The following SESTD1 variants were observed in gnomAD, a reference collection of about 807,000 sequenced individuals.
SESTD1 encodes the protein SEC14 and spectrin domain containing 1, also known as SEC14 domain and spectrin repeat-containing protein 1.
Under a neutral mutation model 101.7 loss-of-function variants are expected in SESTD1, and 43 were observed. The ratio of observed to expected loss-of-function variants is 0.42; its 90% CI spans 0.33 to 0.55. The LOEUF (loss-of-function observed/expected upper bound fraction) is 0.55. Among genes scored for constraint, SESTD1 ranks in the 20% least tolerant of loss-of-function variants. The pLI, the probability that SESTD1 is intolerant of heterozygous loss-of-function variation, is 0.07. For synonymous variants in SESTD1, 283 were observed against 286.8 expected, an observed-to-expected ratio of 0.99 and a Z score of 0.13; for missense variants, 647 against 815.1, an observed-to-expected ratio of 0.79 and a Z score of 2.51.
At position 179,217,457 on chromosome 2, in the gene SESTD1, G is replaced by A. The variant is rs113890150; in HGVS notation, c.-25-25591C>T. On this transcript the variant is annotated intron_variant, in intron 1 of 17. Coordinates refer to ENST00000428443, the MANE Select transcript of SESTD1 (RefSeq NM_178123.5). ...ACCATCTCACGCCAGTTAGAATGGC[G>A]ATTATTAAAAATCAGGAAAAAACAT... Among the ~76,000 whole-genome samples the A allele has an allele frequency of 1.7e-3, 261 of 152,250 alleles. 1 individual carries two copies. The highest frequency in any genetic ancestry group is 6.0e-3 in the African/African-American group (248 of 41,552).
At chr2:179,184,771 G>A (rs1004223793) in intron 2 of SESTD1, among the ~76,000 whole-genome samples, 2 of 152,056 alleles carry the variant, frequency 1.3e-5, no homozygotes, top group East Asian at 3.9e-4. Context: ...ATTAAGCCAA[G>A]CCCCAAAAAA....
intron 1 of SESTD1, among the ~76,000 whole-genome samples, chr2:179,245,824 C>T (rs2047221602): frequency 6.6e-6 from 1 of 152,130 alleles, no homozygotes; most frequent in Non-Finnish European, 1.5e-5. Context: ...ATATATTACT[C>T]TAAATATATT....
intron 1 of SESTD1, among the ~76,000 whole-genome samples, chr2:179,229,706 A>C (rs1387445567): frequency 6.8e-6 from 1 of 146,594 alleles, no homozygotes; most frequent in Non-Finnish European, 1.5e-5. Context: ...CAGATTCTGT[A>C]AGGTTCTTAT....
intron 13 of SESTD1, among the ~76,000 whole-genome samples, chr2:179,118,728 T>TTCAG (rs1341623378): frequency 6.6e-6 from 1 of 152,234 alleles, no homozygotes; most frequent in Non-Finnish European, 1.5e-5. Context: ...ATATACTGTA[T>TTCAG]TCAGGTATTA....
intron 4 of SESTD1, among the ~76,000 whole-genome samples, chr2:179,175,985 T>C (rs58232562): frequency 0.011 from 1,638 of 152,300 alleles, 27 homozygotes; most frequent in African/African-American, 0.038. Flanking sequence ...CCTGATGCTT[T>C]ATGTAGGAAA....
chr2:179,143,476 C>T, intron 9 of SESTD1, 116 bp downstream of exon 9: 2 of 740,962 alleles, frequency 2.7e-6, no homozygotes, highest in East Asian at 2.9e-5. Context: ...TTTTAGAATC[C>T]AGTTTGATGT....
chr2:179,193,855 T>C (rs1317052360), intron 1 of SESTD1, among the ~76,000 whole-genome samples: 1 of 152,214 alleles, frequency 6.6e-6, no homozygotes, highest in African/African-American at 2.4e-5. Context: ...CCTTATAAAC[T>C]TTCAGATCAG....
intron 1 of SESTD1, among the ~76,000 whole-genome samples, chr2:179,216,635 A>C (rs190245976): frequency 0.012 from 1,623 of 135,442 alleles, 326 homozygotes; most frequent in Non-Finnish European, 0.017. Flanking sequence ...AAACTACTTT[A>C]AAGTTCATAT....
chr2:179,116,763 C>A lies in SESTD1; in HGVS notation c.1552G>T (p.Asp518Tyr). The change falls in exon 15 of 18, where the codon GAT becomes TAT. Residue 518 changes from aspartate to tyrosine, a missense_variant. By Grantham distance (160) the Asp-to-Tyr change is radical (BLOSUM62 -3). Transcript: ENST00000428443. Reference sequence around the variant, plus strand: ...CTGATGTGAGTCTTAAGCAGAGCATCCAGAAGTTCACTTAGCCATTCTACT... The same window carrying A: ...CTGATGTGAGTCTTAAGCAGAGCATACAGAAGTTCACTTAGCCATTCTACT... ...QAVEWLSELL[D>Y]ALLKTHIRLG... is the part of the protein sequence containing the mutation. 1 of 1,613,944 alleles carries A rather than the reference C, an allele frequency of 6.2e-7. No homozygotes were observed.
intron 1 of SESTD1, among the ~76,000 whole-genome samples, chr2:179,229,201 C>A (rs1047193463): frequency 6.6e-6 from 1 of 152,086 alleles, no homozygotes; most frequent in Admixed American, 6.5e-5. Context: ...ACAGTGTTTA[C>A]GGAAAAGACG....
At chr2:179,185,393 T>C (rs1482099185) in intron 2 of SESTD1, among the ~76,000 whole-genome samples, 1 of 146,134 alleles carries the variant, frequency 6.8e-6, no homozygotes, top group African/African-American at 2.5e-5. Context: ...ACATATTGTA[T>C]ATATAGTATA....
chr2:179,240,323 A>C (rs768483250), intron 1 of SESTD1, among the ~76,000 whole-genome samples: 25 of 152,168 alleles, frequency 1.6e-4, no homozygotes, highest in Non-Finnish European at 2.8e-4. Flanking sequence ...TTGGTGTTCT[A>C]CTTCCTGGAA....
At chr2:179,127,733 ATGATAATATC>A in intron 10 of SESTD1, among the ~76,000 whole-genome samples, 1 of 152,218 alleles carries the variant, frequency 6.6e-6, no homozygotes. Context: ...TCCAATGGTG[ATGATAATATC>A]TGTCTTACCT....
intron 1 of SESTD1, among the ~76,000 whole-genome samples, chr2:179,210,396 C>T (rs545726517): frequency 7.5e-6 from 1 of 133,704 alleles, no homozygotes; most frequent in South Asian, 2.9e-4. Flanking sequence ...AACTACAGAC[C>T]AATATCCCTG....
Position 179,106,147 on chromosome 2 carries a change from A to G in SESTD1, c.*3752T>C, listed in dbSNP as rs2044377695. 6.6e-6 allele frequency: 1 copy of G among 152,160 alleles called. No individual in the cohort carries two copies. The highest frequency in any genetic ancestry group is 2.4e-5 in the African/African-American group (1 of 41,422). 9.4% of individuals were successfully genotyped at this position (152,160 alleles called of 1,614,324 possible). A position where few individuals can be genotyped will look rare whatever the true frequency, so the allele number is the denominator to read the frequency against. On this transcript the variant is annotated 3_prime_UTR_variant, in exon 18 of 18. Transcript: ENST00000428443. ...ATGTTCCAGCCATGTTTTTAATGCT[A>G]GAGAATTTTTCCTTTGGGGGCTTAA...
intron 5 of SESTD1, among the ~76,000 whole-genome samples, chr2:179,171,037 G>A (rs1459647961): frequency 6.6e-6 from 1 of 152,172 alleles, no homozygotes; most frequent in Non-Finnish European, 1.5e-5. Flanking sequence ...GGGCTTGTGA[G>A]TACAGAAACA....
chr2:179,135,936 T>G (rs1259429584), intron 9 of SESTD1, among the ~76,000 whole-genome samples: 1 of 152,242 alleles, frequency 6.6e-6, no homozygotes, highest in African/African-American at 2.4e-5. Flanking sequence ...CAATGGTTTT[T>G]TCCTCAACAC....
chr2:179,259,584 G>A (rs553697116), intron 1 of SESTD1, among the ~76,000 whole-genome samples: 4 of 152,120 alleles, frequency 2.6e-5, no homozygotes, highest in East Asian at 1.9e-4. Context: ...GCACTTAGGC[G>A]ACTCATCCAC....
In SESTD1 at chr2:179,103,439, T is replaced by C. The variant is rs929471182; in HGVS notation, c.*6460A>G. The C allele has an allele frequency of 6.6e-6, 1 of 152,112 alleles. No individual in the cohort carries two copies. Among genetic ancestry groups the C allele is most frequent in the Non-Finnish European group, 1.5e-5 (1 of 68,012 alleles). The allele number at this position is 152,112 out of a possible 1,614,324, so 9.4% of individuals were successfully genotyped here. A position where few individuals can be genotyped will look rare whatever the true frequency, so the allele number is the denominator to read the frequency against. On this transcript the variant is annotated 3_prime_UTR_variant, in exon 18 of 18. Coordinates refer to ENST00000428443, the MANE Select transcript of SESTD1 (RefSeq NM_178123.5). ...ACCCAGCAATTCTAATCCAAGGAATTTACTGCAAAGAAATGAAAACCTATG... is the reference window on the plus strand; with the variant it reads ...ACCCAGCAATTCTAATCCAAGGAATCTACTGCAAAGAAATGAAAACCTATG...
Sources: gnomAD v4.1 joint callset for allele counts (sites outside exome capture counted in the v4.1 genomes callset) on GRCh38, gnomAD v4.1.1 for gene constraint, MANE v1.5 for transcripts, NCBI Gene and HGNC (gene_info 2026-07-23, HGNC 2026-07-21) for gene names.